PTH2R: variants seen among roughly 807,000 people sequenced by gnomAD.
The protein encoded by PTH2R is parathyroid hormone 2 receptor.
In PTH2R, 59 loss-of-function variants were observed where a neutral mutation model predicts 60.3. That is an observed-to-expected ratio of 0.98 (90% CI 0.79 to 1.22). The LOEUF (loss-of-function observed/expected upper bound fraction) is 1.22. Ranked by LOEUF, PTH2R falls within the 50% of genes most tolerant of loss-of-function variation. The pLI is 0.00. For synonymous variants in PTH2R, 256 were observed against 243.8 expected, an observed-to-expected ratio of 1.05 and a Z score of -0.47; for missense variants, 749 against 682.6, an observed-to-expected ratio of 1.10 and a Z score of -1.08.
intron 1 of PTH2R, among the ~76,000 whole-genome samples, chr2:208,364,485 G>A (rs1057163187): frequency 4.6e-5 from 7 of 152,234 alleles, no homozygotes; most frequent in African/African-American, 1.4e-4. Flanking sequence ...TGACCAGACT[G>A]TCCTTTTCCC....
intron 2 of PTH2R, among the ~76,000 whole-genome samples, chr2:208,431,150 C>A (rs765429852): frequency 6.6e-6 from 1 of 152,014 alleles, no homozygotes; most frequent in Non-Finnish European, 1.5e-5. Flanking sequence ...TTGGTAATTT[C>A]TTCATATATA....
intron 1 of PTH2R, among the ~76,000 whole-genome samples, chr2:208,369,060 T>C (rs1457425253): frequency 6.6e-6 from 1 of 152,102 alleles, no homozygotes; most frequent in Non-Finnish European, 1.5e-5. Flanking sequence ...TAGTGGGATA[T>C]GGAATAGCTC....
At chr2:208,477,029 T>C (rs1348321282) in intron 9 of PTH2R, among the ~76,000 whole-genome samples, 1 of 152,136 alleles carries the variant, frequency 6.6e-6, no homozygotes, top group Non-Finnish European at 1.5e-5. Flanking sequence ...AAATTCTACA[T>C]TGAAGGGGGA....
At chr2:208,359,780 T>A (rs944682820) in exon 1 of PTH2R, 1 of 156,280 alleles carries the variant, frequency 6.4e-6, no homozygotes, top group African/African-American at 2.4e-5. Flanking sequence ...CTCACACCTG[T>A]GGGCAGGAAG....
chr2:208,391,083 G>A (rs1223707786), intron 1 of PTH2R, among the ~76,000 whole-genome samples: 2 of 152,156 alleles, frequency 1.3e-5, no homozygotes, highest in Non-Finnish European at 2.9e-5. Context: ...CTTGGGCTTA[G>A]GGAGGGAGGC....
intron 1 of PTH2R, among the ~76,000 whole-genome samples, chr2:208,381,658 C>A (rs1007944780): frequency 1.3e-5 from 2 of 152,212 alleles, no homozygotes; most frequent in Admixed American, 1.3e-4. Flanking sequence ...AGTAATACAA[C>A]AATAGAAGCC....
chr2:208,476,629 T>A (rs954151523), intron 9 of PTH2R, among the ~76,000 whole-genome samples: 1 of 152,214 alleles, frequency 6.6e-6, no homozygotes, highest in Non-Finnish European at 1.5e-5. Context: ...AAAGTTCTTA[T>A]GTTTGTGATA....
intron 9 of PTH2R, among the ~76,000 whole-genome samples, chr2:208,468,129 C>G (rs577291048): frequency 5.3e-5 from 8 of 152,256 alleles, no homozygotes; most frequent in African/African-American, 1.9e-4. Context: ...GACCATGAAG[C>G]CTACATACCT....
intron 1 of PTH2R, among the ~76,000 whole-genome samples, chr2:208,418,106 A>T (rs996881000): frequency 2.0e-5 from 3 of 152,148 alleles, no homozygotes; most frequent in Non-Finnish European, 4.4e-5. Context: ...TGTGTAAAAA[A>T]ACTACCACTT....
chr2:208,481,097 G>C lies in PTH2R; in HGVS notation c.1009G>C (p.Val337Leu). ...GAATTTTATTCTGTTTCTGAATACG[G>C]TTAGAGTTCTAGCTACCAAAATCTG... ...GLNFILFLNTVRVLATKIWET... is the reference protein window; with the variant it reads ...GLNFILFLNTLRVLATKIWET... The change falls in exon 10 of 13, where the codon GTT becomes CTT. Residue 337 changes from valine (V) to leucine (L), a missense_variant. Coordinates refer to ENST00000272847, the MANE Select transcript of PTH2R (RefSeq NM_005048.4). 6.2e-7 allele frequency: 1 copy of C among 1,610,066 alleles called. No homozygotes were observed. Among genetic ancestry groups the C allele is most frequent in the African/African-American group, 1.3e-5 (1 of 74,872 alleles).
intron 11 of PTH2R, 30 bp downstream of exon 11, chr2:208,489,180 T>C: frequency 1.2e-5 from 19 of 1,612,014 alleles, no homozygotes; most frequent in Non-Finnish European, 1.6e-5. Flanking sequence ...CATCTGATTC[T>C]TGTAATTTGC....
intron 2 of PTH2R, among the ~76,000 whole-genome samples, chr2:208,432,992 G>A (rs12995209): frequency 0.034 from 5,109 of 152,144 alleles, 86 homozygotes; most frequent in Middle Eastern, 0.058. Context: ...ACAGTACTTT[G>A]CCAACTATCT....
intron 4 of PTH2R, among the ~76,000 whole-genome samples, chr2:208,441,490 T>C (rs1004093459): frequency 6.6e-6 from 1 of 152,218 alleles, no homozygotes; most frequent in African/African-American, 2.4e-5. Flanking sequence ...CTTGTTGAGT[T>C]TCCCCATTTA....
Position 208,444,455 on chromosome 2 carries a change from G to A in PTH2R, c.700-279G>A, listed in dbSNP as rs559834130. On this transcript the variant is annotated intron_variant, in intron 6 of 12. Coordinates refer to ENST00000272847, the MANE Select transcript of PTH2R (RefSeq NM_005048.4). Reference sequence around the variant, plus strand: ...ATGTTCCTAATTTTCTGTGATGGTCGTGTATTATTTTTATAAAGTGAAAAA... The same window carrying A: ...ATGTTCCTAATTTTCTGTGATGGTCATGTATTATTTTTATAAAGTGAAAAA... 2.0e-4 allele frequency among the ~76,000 whole-genome samples: 31 copies of A among 152,144 alleles called. No individual in the cohort carries two copies. In the South Asian group the frequency reaches 2.1e-3, roughly 10 times the overall value.
chr2:208,400,132 T>C (rs1333001845), intron 1 of PTH2R, among the ~76,000 whole-genome samples: 1 of 152,248 alleles, frequency 6.6e-6, no homozygotes, highest in African/African-American at 2.4e-5. Context: ...ATTTTGTTTT[T>C]CAGAAAACAC....
At chr2:208,374,009 G>C (rs1700749186) in intron 1 of PTH2R, among the ~76,000 whole-genome samples, 1 of 151,734 alleles carries the variant, frequency 6.6e-6, no homozygotes, top group African/African-American at 2.4e-5. Flanking sequence ...TAGATTCAAG[G>C]CTGTTTGTAA....
intron 4 of PTH2R, among the ~76,000 whole-genome samples, chr2:208,440,638 C>A (rs933558805): frequency 6.6e-6 from 1 of 152,062 alleles, no homozygotes; most frequent in Admixed American, 6.5e-5. Flanking sequence ...CTGCGTGTAT[C>A]CCTAGGACCA....
chr2:208,392,762 GT>G, intron 1 of PTH2R, among the ~76,000 whole-genome samples: 1 of 152,288 alleles, frequency 6.6e-6, no homozygotes, highest in Middle Eastern at 3.4e-3. Flanking sequence ...ACTGGCTCCA[GT>G]ACCCAGAAGA....
chr2:208,360,007 A>G (rs1700415255), exon 1 of PTH2R: 2 of 324,832 alleles, frequency 6.2e-6, no homozygotes, highest in Admixed American at 7.6e-5. Context: ...CCTGCTCTCC[A>G]GTCCCTATCC....
Sources: allele counts gnomAD v4.1 joint callset (sites outside exome capture counted in the v4.1 genomes callset), GRCh38; gene constraint gnomAD v4.1.1; transcripts MANE v1.5; gene names NCBI Gene and HGNC (gene_info 2026-07-23, HGNC 2026-07-21).